Variants in NLRP7 observed in about 807,000 individuals in gnomAD.
NLRP7 encodes NACHT, LRR and PYD domains-containing protein 7.
A neutral mutation model predicts 85.5 loss-of-function variants in NLRP7; 72 were observed. That is an observed-to-expected ratio of 0.84 (90% CI 0.70 to 1.02). The LOEUF (loss-of-function observed/expected upper bound fraction) is 1.02. NLRP7 is among the 50% of genes least tolerant of loss of function. The pLI is 0.00. For missense variants in NLRP7, 1,243 were observed against 1,219.5 expected (o/e 1.02, Z -0.29); for synonymous variants, 550 against 505.2 (o/e 1.09, Z -1.19).
intron 1 of NLRP7, among the ~76,000 whole-genome samples, chr19:54,944,603 C>T (rs1405028290): frequency 3.3e-5 from 5 of 152,040 alleles, no homozygotes; most frequent in East Asian, 1.9e-4. Flanking sequence ...TTTCTTTTCT[C>T]AGTCTCTCGT....
chr19:54,963,455 C>T (rs1329718411), intron 1 of NLRP7, among the ~76,000 whole-genome samples: 3 of 151,740 alleles, frequency 2.0e-5, no homozygotes, highest in African/African-American at 4.8e-5. Context: ...TTTGGGAGGC[C>T]GAGGCGGGCG....
At chr19:54,962,119 C>A (rs1434124547) in intron 1 of NLRP7, among the ~76,000 whole-genome samples, 1 of 142,190 alleles carries the variant, frequency 7.0e-6, no homozygotes, top group Non-Finnish European at 1.5e-5. Context: ...GCTGAGATCG[C>A]GCCATTGCAC....
intron 3 of NLRP7, 61 bp from the exon 4 acceptor site, chr19:54,940,527 T>C: frequency 6.3e-7 from 1 of 1,584,056 alleles, no homozygotes; most frequent in Non-Finnish European, 8.6e-7. Context: ...AATTATTTTG[T>C]CAAGTACCAG....
chr19:54,942,449 C>T (rs1227669816), intron 1 of NLRP7, among the ~76,000 whole-genome samples: 4 of 151,976 alleles, frequency 2.6e-5, no homozygotes, highest in East Asian at 1.9e-4. Flanking sequence ...CACGGCAGGG[C>T]GCGGTGGCTC....
chr19:54,936,349 G>A, exon 6 of NLRP7: 1 of 1,614,052 alleles, frequency 6.2e-7, no homozygotes, highest in Non-Finnish European at 8.5e-7. Flanking sequence ...TGCCCTGCCA[G>A]GGTCAGGTGC....
At chr19:54,941,045 C>CGAAGTGTAAATT in intron 2 of NLRP7, 40 bp from the exon 3 acceptor site, 1 of 1,387,208 alleles carries the variant, frequency 7.2e-7, no homozygotes, top group South Asian at 1.2e-5. Flanking sequence ...CAGTAATTTA[C>CGAAGTGTAAATT]ACTTCGTAAA....
chr19:54,961,444 G>C (rs1441624480), intron 1 of NLRP7, among the ~76,000 whole-genome samples: 1 of 151,932 alleles, frequency 6.6e-6, no homozygotes, highest in East Asian at 1.9e-4. Context: ...GTTGCAGTGA[G>C]CCAAGATCAT....
chr19:54,939,743 A>C, exon 4 of NLRP7: 1 of 1,613,636 alleles, frequency 6.2e-7, no homozygotes, highest in Non-Finnish European at 8.5e-7. Flanking sequence ...GGCCGAGCCC[A>C]GCTGGAACAG....
chr19:54,927,113 G>T lies in NLRP7; in HGVS notation c.2811-3241C>A, dbSNP rs973553532. Among the ~76,000 whole-genome samples, 4 of 145,486 alleles carry T rather than the reference G, an allele frequency of 2.7e-5. No homozygotes were observed. The Admixed American group carries it at 2.8e-4, about 10-fold the overall frequency. On this transcript the variant is annotated intron_variant, in intron 9 of 9. Transcript: ENST00000340844. ...AAAAAGCAAAAACCAAAAAGGCCGG[G>T]TGCAATGGCTCACCTCTGTAATCCC...
intron 9 of NLRP7, among the ~76,000 whole-genome samples, chr19:54,930,222 A>T (rs1462360636): frequency 1.3e-5 from 2 of 151,928 alleles, no homozygotes; most frequent in Middle Eastern, 3.4e-3. Flanking sequence ...ATCCTAGCAC[A>T]TTGGGAGGCC....
intron 1 of NLRP7, among the ~76,000 whole-genome samples, chr19:54,960,132 T>C (rs1213796470): frequency 1.3e-5 from 2 of 151,926 alleles, no homozygotes. Context: ...GTCTGGTGTT[T>C]CTTGTTTTTT....
chr19:54,946,577 AC>A (rs757664039), intron 1 of NLRP7, among the ~76,000 whole-genome samples: 2 of 144,960 alleles, frequency 1.4e-5, no homozygotes, highest in Non-Finnish European at 3.0e-5. Context: ...TGCAGCCCCC[AC>A]CTCCTGGCTC....
chr19:54,924,391 G>C (rs998128976), intron 9 of NLRP7, among the ~76,000 whole-genome samples: 10 of 152,238 alleles, frequency 6.6e-5, no homozygotes, highest in African/African-American at 2.4e-4. Flanking sequence ...GGGAGGCCAA[G>C]GCAGGCAGAT....
intron 1 of NLRP7, among the ~76,000 whole-genome samples, chr19:54,952,570 G>A (rs1435013882): frequency 2.6e-5 from 4 of 151,534 alleles, no homozygotes; most frequent in Non-Finnish European, 5.9e-5. Flanking sequence ...CTCCAGCCTG[G>A]GTGACAAAGC....
At chr19:54,939,716 A>G in exon 4 of NLRP7, 1 of 1,613,348 alleles carries the variant, frequency 6.2e-7, no homozygotes, top group Non-Finnish European at 8.5e-7. Flanking sequence ...CGTGCACACA[A>G]TCCAGCACAC....
At position 54,930,652 on chromosome 19, in the gene NLRP7, C is replaced by A. The variant is rs867728573; in HGVS notation, c.2657G>T (p.Ser886Ile). 4 of 1,613,348 alleles carry A rather than the reference C, an allele frequency of 2.5e-6. No individual in the cohort carries two copies. In the Admixed American group the frequency reaches 6.7e-5, roughly 27 times the overall value. The change falls in exon 9 of 10, where the codon AGC (serine) becomes ATC (isoleucine). Residue 886 changes from serine to isoleucine, a missense_variant. By Grantham distance (142) the Ser-to-Ile change is moderately radical. Transcript: ENST00000340844. ...ATATCTACAGCCAAGCTTGGTTATG[C>A]TGCATTGCTGTAACCTACAGGATAA...
At chr19:54,951,942 C>T (rs1173339343), upstream of NLRP7, among the ~76,000 whole-genome samples, 2 of 151,826 alleles carry the variant, frequency 1.3e-5, no homozygotes, top group Non-Finnish European at 2.9e-5. Context: ...TTAGTAGAGA[C>T]GCGGTTTCAC....
At chr19:54,953,800 A>G (rs903367962) in intron 1 of NLRP7, among the ~76,000 whole-genome samples, 7 of 151,336 alleles carry the variant, frequency 4.6e-5, no homozygotes, top group Non-Finnish European at 8.8e-5. Flanking sequence ...CAGGAGATTG[A>G]GACCATCCTG....
chr19:54,923,590 A>C, exon 10 of NLRP7: 2 of 889,234 alleles, frequency 2.2e-6, no homozygotes, highest in Non-Finnish European at 3.7e-6. Context: ...CTCGTGCAGA[A>C]TCTCCCAAAA....
Sources: allele counts gnomAD v4.1 joint callset (sites outside exome capture counted in the v4.1 genomes callset), GRCh38; gene constraint gnomAD v4.1.1; transcripts MANE v1.5; gene names NCBI Gene and HGNC (gene_info 2026-07-23, HGNC 2026-07-21).